Variants in DLGAP4 observed in about 807,000 individuals in gnomAD.
DLGAP4 encodes disks large-associated protein 4.
A neutral mutation model predicts 86.9 loss-of-function variants in DLGAP4; 18 were observed. That is an observed-to-expected ratio of 0.21 (90% CI 0.14 to 0.31). DLGAP4 has a LOEUF of 0.31. Ranked by LOEUF, DLGAP4 falls within the 10% of genes least tolerant of loss-of-function variation. The probability of loss-of-function intolerance (pLI) is 1.00; values close to 1 mark genes in which losing one functional copy is unlikely to be tolerated. For missense variants in DLGAP4, 1,085 were observed against 1,362.6 expected, an observed-to-expected ratio of 0.80 and a Z score of 3.21; for synonymous variants, 548 against 574.3, an observed-to-expected ratio of 0.95 and a Z score of 0.65.
chr20:36,356,722 G>A (rs1385909651), intron 1 of DLGAP4, among the ~76,000 whole-genome samples: 1 of 150,018 alleles, frequency 6.7e-6, no homozygotes, highest in African/African-American at 2.5e-5. Flanking sequence ...CTAATGTATT[G>A]TCAATGGCTG....
chr20:36,443,393 A>T (rs1162079055), intron 6 of DLGAP4, among the ~76,000 whole-genome samples: 1 of 152,124 alleles, frequency 6.6e-6, no homozygotes, highest in Admixed American at 6.5e-5. Context: ...AGGGGCAGGA[A>T]AGGTACTCTG....
chr20:36,335,033 G>GA (rs1416702479), intron 1 of DLGAP4, among the ~76,000 whole-genome samples: 1 of 152,162 alleles, frequency 6.6e-6, no homozygotes, highest in Non-Finnish European at 1.5e-5. Flanking sequence ...TTAATGGTTT[G>GA]AAAAGGCCTT....
intron 10 of DLGAP4, among the ~76,000 whole-genome samples, chr20:36,508,636 C>A (rs914298457): frequency 9.2e-5 from 14 of 152,146 alleles, no homozygotes; most frequent in African/African-American, 3.4e-4. Flanking sequence ...CCATATTGGT[C>A]AGGCTGGTCT....
intron 4 of DLGAP4, among the ~76,000 whole-genome samples, chr20:36,438,560 A>G (rs2033352371): frequency 6.6e-6 from 1 of 150,482 alleles, no homozygotes; most frequent in African/African-American, 2.4e-5. Flanking sequence ...ATATACATAT[A>G]TATGTATATA....
At chr20:36,523,777 C>T (rs1258415018) in intron 10 of DLGAP4, among the ~76,000 whole-genome samples, 1 of 152,208 alleles carries the variant, frequency 6.6e-6, no homozygotes, top group Non-Finnish European at 1.5e-5. Flanking sequence ...GATTCTCCTG[C>T]CTCAGCCTCC....
intron 1 of DLGAP4, among the ~76,000 whole-genome samples, chr20:36,335,564 C>T (rs1555891976): frequency 6.6e-6 from 1 of 152,174 alleles, no homozygotes; most frequent in African/African-American, 2.4e-5. Flanking sequence ...GGCTGTGTGT[C>T]TGAGCCTAGC....
In DLGAP4 at chr20:36,500,175, A is replaced by AC; in HGVS notation, c.2100-20dup. The AC allele has an allele frequency of 1.1e-6, 1 of 939,784 alleles. No homozygotes were observed. The highest frequency in any genetic ancestry group is 1.4e-6 in the Non-Finnish European group (1 of 697,866). 58.2% of individuals were successfully genotyped at this position (939,784 alleles called of 1,614,324 possible). On this transcript the variant is annotated intron_variant, in intron 9 of 12. Transcript: ENST00000339266. The surrounding 1 kb of genome is among the most constrained non-coding windows in gnomAD (Gnocchi z 4.6). ...TGGTGACTCACTCCTTCCTGTCCCCACCCCATCCACCCCCTACCCACAGAA... is the reference window on the plus strand; with the variant it reads ...TGGTGACTCACTCCTTCCTGTCCCCACCCCCATCCACCCCCTACCCACAGAA...
At chr20:36,334,012 C>T (rs1159001602) in intron 1 of DLGAP4, among the ~76,000 whole-genome samples, 1 of 152,164 alleles carries the variant, frequency 6.6e-6, no homozygotes, top group Non-Finnish European at 1.5e-5. Context: ...TGGGGAGTGG[C>T]GACTCTGTGG....
intron 10 of DLGAP4, among the ~76,000 whole-genome samples, chr20:36,503,558 G>A (rs1419496601): frequency 7.0e-6 from 1 of 143,750 alleles, no homozygotes; most frequent in Non-Finnish European, 1.5e-5. Context: ...CGCGATCTTG[G>A]CTCACTGCAA....
chr20:36,525,729 T>G (rs1012117625), intron 11 of DLGAP4, 122 bp from the exon 12 acceptor site: 5 of 1,317,058 alleles, frequency 3.8e-6, no homozygotes, highest in Non-Finnish European at 5.3e-6. Flanking sequence ...ACCCAGACAC[T>G]AGGCCTCAAG....
At position 36,526,809 on chromosome 20, in the gene DLGAP4, A is replaced by T. The variant is rs2037800687; in HGVS notation, c.2761-4A>T. On this transcript the variant is annotated splice_region_variant and splice_polypyrimidine_tract_variant and intron_variant, in intron 12 of 12. Transcript: ENST00000339266. ...TTTGTTCTCTCCTCACTGTCTCACTAAAGGAAGAGAAGAAACCACCCCCTC... is the reference window on the plus strand; with the variant it reads ...TTTGTTCTCTCCTCACTGTCTCACTTAAGGAAGAGAAGAAACCACCCCCTC... 2.5e-6 allele frequency: 4 copies of T among 1,596,514 alleles called. No homozygotes were observed. The Admixed American group carries it at 7.2e-5, about 29-fold the overall frequency.
intron 1 of DLGAP4, among the ~76,000 whole-genome samples, chr20:36,353,317 G>C (rs1293652669): frequency 6.6e-6 from 1 of 152,192 alleles, no homozygotes; most frequent in Non-Finnish European, 1.5e-5. Flanking sequence ...GGATGACTGA[G>C]AGGGGGCGGC....
In DLGAP4 at chr20:36,528,330, G is replaced by A. The variant is rs899900952; in HGVS notation, c.*1299G>A. The A allele has an allele frequency of 2.0e-5, 3 of 152,826 alleles. No homozygotes were observed. Among genetic ancestry groups the A allele is most frequent in the African/African-American group, 7.2e-5 (3 of 41,442 alleles). 9.5% of individuals were successfully genotyped at this position (152,826 alleles called of 1,614,324 possible). The stretch of plus-strand genomic sequence containing the variant: ...CCCGGGCCTGCAGGGCGGGGTAGGG[G>A]AGGGCAGGGGCTGAGCCCCGAAGCC... On this transcript the variant is annotated 3_prime_UTR_variant, in exon 13 of 13. Coordinates refer to ENST00000339266, the MANE Select transcript of DLGAP4 (RefSeq NM_001365621.2).
intron 2 of DLGAP4, among the ~76,000 whole-genome samples, chr20:36,381,632 C>CA (rs1270903529): frequency 6.6e-6 from 1 of 152,196 alleles, no homozygotes; most frequent in Non-Finnish European, 1.5e-5. Context: ...AGTCTAGGGG[C>CA]AGAGGCACTG....
At chr20:36,526,525 G>C (rs1207066240) in intron 12 of DLGAP4, among the ~76,000 whole-genome samples, 1 of 152,074 alleles carries the variant, frequency 6.6e-6, no homozygotes, top group Non-Finnish European at 1.5e-5. Flanking sequence ...TCCTGCCCGA[G>C]TCTCGGGCTC....
In DLGAP4 at chr20:36,432,835, A is replaced by G. The variant is rs2033166048; in HGVS notation, c.999+119A>G. 1 of 1,350,278 alleles carries G rather than the reference A, an allele frequency of 7.4e-7. No homozygotes were observed. 83.6% of individuals were successfully genotyped at this position (1,350,278 alleles called of 1,614,324 possible). A position where few individuals can be genotyped will look rare whatever the true frequency, so the allele number is the denominator to read the frequency against. ...ACTTCATTCTGGGCCTCTGTGGCTC[A>G]GCTATAAAATGGGTGGCCTAGTGGT... On this transcript the variant is annotated intron_variant, in intron 3 of 12. Coordinates refer to ENST00000339266, the MANE Select transcript of DLGAP4 (RefSeq NM_001365621.2). This position sits in a 1 kb window ranked among gnomAD's most constrained non-coding sequence, Gnocchi z 6.5.
intron 7 of DLGAP4, among the ~76,000 whole-genome samples, chr20:36,463,078 G>C (rs926255367): frequency 6.6e-6 from 1 of 152,084 alleles, no homozygotes; most frequent in Non-Finnish European, 1.5e-5. Flanking sequence ...CAGAACACCA[G>C]AGTGGGCAAG....
chr20:36,456,770 T>G (rs571981359), intron 7 of DLGAP4, among the ~76,000 whole-genome samples: 2 of 152,318 alleles, frequency 1.3e-5, no homozygotes, highest in South Asian at 4.1e-4. Context: ...ACTGAAGGAC[T>G]GGTGGGCAGG....
At chr20:36,425,195 C>G (rs1363155595) in intron 2 of DLGAP4, among the ~76,000 whole-genome samples, 1 of 152,116 alleles carries the variant, frequency 6.6e-6, no homozygotes, top group African/African-American at 2.4e-5. Flanking sequence ...GGTTCAATAT[C>G]TAGAATATAT....
Sources: allele counts gnomAD v4.1 joint callset (sites outside exome capture counted in the v4.1 genomes callset), GRCh38; gene constraint gnomAD v4.1.1; non-coding constraint Gnocchi (gnomAD v3.1); transcripts MANE v1.5; gene names NCBI Gene and HGNC (gene_info 2026-07-23, HGNC 2026-07-21).